SLCO4A1: variants seen among roughly 807,000 people sequenced by gnomAD.
SLCO4A1 encodes the protein solute carrier organic anion transporter family member 4A1.
In SLCO4A1, 51 loss-of-function variants were observed where a neutral mutation model predicts 64.6. The ratio of observed to expected loss-of-function variants is 0.79; its 90% CI spans 0.63 to 1.00. SLCO4A1 has a LOEUF of 1.00. Among genes scored for constraint, SLCO4A1 ranks in the 50% least tolerant of loss-of-function variants. The pLI, the probability that SLCO4A1 is intolerant of heterozygous loss-of-function variation, is 0.00. For missense variants in SLCO4A1, 919 were observed against 980.5 expected (o/e 0.94, Z 0.84); for synonymous variants, 471 against 444.9 (o/e 1.06, Z -0.74).
In SLCO4A1 at chr20:62,666,497, G is replaced by A; in HGVS notation, c.1394G>A (p.Ser465Asn). Residue 465 changes from serine to asparagine, a missense_variant, in exon 7 of 12, where the codon AGC becomes AAC. Physicochemically the swap from Ser to Asn is conservative, Grantham distance 46. Coordinates refer to ENST00000217159, the MANE Select transcript of SLCO4A1 (RefSeq NM_016354.4). ...IKFCLFCTVV[S>N]LLGILVFSLH... ...TTCTGCCTGTTCTGCACCGTTGTCA[G>A]CCTGCTGGGCATCCTCGTCTTCTCA... 6.2e-7 allele frequency: 1 copy of A among 1,613,564 alleles called. No homozygotes were observed. The highest frequency in any genetic ancestry group is 8.5e-7 in the Non-Finnish European group (1 of 1,180,002).
At chr20:62,676,651 T>A (rs1478361534), downstream of SLCO4A1, among the ~76,000 whole-genome samples, 1 of 152,152 alleles carries the variant, frequency 6.6e-6, no homozygotes, top group Non-Finnish European at 1.5e-5. Context: ...CGACACGTCG[T>A]GGAGAACTTG....
chr20:62,690,227 T>C (rs556459172), downstream of SLCO4A1, among the ~76,000 whole-genome samples: 110 of 152,284 alleles, frequency 7.2e-4, no homozygotes, highest in African/African-American at 2.6e-3. Flanking sequence ...CAGTCTCCCC[T>C]CTGTCTCAGG....
intron 2 of SLCO4A1, among the ~76,000 whole-genome samples, chr20:62,680,447 G>A (rs1987774327): frequency 6.6e-6 from 1 of 152,200 alleles, no homozygotes; most frequent in African/African-American, 2.4e-5. Context: ...CTCGCCTTAG[G>A]AGAAAACAGT....
intron 2 of SLCO4A1, among the ~76,000 whole-genome samples, chr20:62,678,053 A>G (rs1423266840): frequency 6.6e-6 from 1 of 152,184 alleles, no homozygotes; most frequent in Non-Finnish European, 1.5e-5. Context: ...AAAGTGAGGC[A>G]AAGGTTGATG....
At chr20:62,668,793 C>T (rs747435041) in intron 10 of SLCO4A1, 137 bp from the exon 11 acceptor site, 5 of 925,286 alleles carry the variant, frequency 5.4e-6, no homozygotes, top group Non-Finnish European at 8.0e-6. Flanking sequence ...CGTTTAAGCC[C>T]TCTTTGCACC....
chr20:62,681,936 T>G (rs560344956), intron 2 of SLCO4A1, among the ~76,000 whole-genome samples: 273 of 152,334 alleles, frequency 1.8e-3, no homozygotes, highest in African/African-American at 6.1e-3. Context: ...GAACTAATTT[T>G]ATGGAAAAGG....
intron 1 of SLCO4A1, among the ~76,000 whole-genome samples, chr20:62,653,573 G>A (rs1392125337): frequency 6.6e-6 from 1 of 152,180 alleles, no homozygotes; most frequent in African/African-American, 2.4e-5. Context: ...GCCCCATGGC[G>A]GATCACCGGC....
intron 6 of SLCO4A1, chr20:62,666,125 C>CGCCCCCCTTCCCCTTCCCCTTCCCG (rs1986261749): frequency 8.1e-6 from 1 of 123,044 alleles, no homozygotes; most frequent in African/African-American, 3.1e-5. Flanking sequence ...CCCGCTCCCC[C>CGCCCCCCTTCCCCTTCCCCTTCCCG]TTCCCCTTCC....
chr20:62,687,183 C>T (rs560539792), downstream of SLCO4A1, among the ~76,000 whole-genome samples: 2 of 149,990 alleles, frequency 1.3e-5, no homozygotes, highest in East Asian at 1.9e-4. Context: ...CGCCCCCAAA[C>T]AGGAGCGATG....
chr20:62,660,668 T>C, intron 4 of SLCO4A1, 135 bp downstream of exon 4: 5 of 1,136,808 alleles, frequency 4.4e-6, no homozygotes, highest in Non-Finnish European at 6.4e-6. Context: ...ATTCTCAGTG[T>C]TCTTCCCATC....
At chr20:62,687,756 G>T (rs1988113459), downstream of SLCO4A1, among the ~76,000 whole-genome samples, 1 of 152,198 alleles carries the variant, frequency 6.6e-6, no homozygotes, top group African/African-American at 2.4e-5. Context: ...CTGTACCTCT[G>T]CTGGGGCCGC....
downstream of SLCO4A1, among the ~76,000 whole-genome samples, chr20:62,675,592 C>T (rs1601689789): frequency 2.6e-5 from 4 of 152,336 alleles, no homozygotes; most frequent in Admixed American, 2.6e-4. Context: ...CTGGTCCCGG[C>T]CCCAGCCCCC....
intron 2 of SLCO4A1, among the ~76,000 whole-genome samples, chr20:62,679,834 G>C (rs1987748539): frequency 6.6e-6 from 1 of 152,236 alleles, no homozygotes; most frequent in Admixed American, 6.5e-5. Flanking sequence ...GGGAGTCAAG[G>C]ATGTGGCTCA....
chr20:62,669,241 G>A (rs954607017), intron 11 of SLCO4A1, among the ~76,000 whole-genome samples, 163 bp downstream of exon 11: 26 of 152,226 alleles, frequency 1.7e-4, no homozygotes, highest in Non-Finnish European at 3.7e-4. Context: ...TGAGTTGGTT[G>A]TGGGGAGAGG....
downstream of SLCO4A1, among the ~76,000 whole-genome samples, chr20:62,688,068 C>G (rs369822751): frequency 7.9e-5 from 12 of 152,172 alleles, no homozygotes; most frequent in East Asian, 9.7e-4. Flanking sequence ...TTTCCAGGTC[C>G]CAGCACCACC....
intron 1 of SLCO4A1, among the ~76,000 whole-genome samples, chr20:62,656,046 C>A (rs1983653139): frequency 6.6e-6 from 1 of 152,242 alleles, no homozygotes; most frequent in African/African-American, 2.4e-5. Flanking sequence ...TAGGCCTTGC[C>A]CCCGTCACAG....
rs1191167305 is a variant in SLCO4A1, at chr20:62,668,003, G to T, written c.1639-9G>T. 6.2e-7 allele frequency: 1 copy of T among 1,614,060 alleles called. No homozygotes were observed. Among genetic ancestry groups the T allele is most frequent in the Admixed American group, 1.7e-5 (1 of 60,032 alleles). ...CCCTTGTAATCGGAGCTATTGTTGGGCTTCCCAGGTGTACCGAGACTGTAG... is the reference window on the plus strand; with the variant it reads ...CCCTTGTAATCGGAGCTATTGTTGGTCTTCCCAGGTGTACCGAGACTGTAG... On this transcript the variant is annotated splice_polypyrimidine_tract_variant and intron_variant, in intron 8 of 11. Coordinates refer to ENST00000217159, the MANE Select transcript of SLCO4A1 (RefSeq NM_016354.4).
rs1225256835 is a variant in SLCO4A1, at chr20:62,644,457, G to A, written c.-97+1904G>A. ...CCATGGTGGAGAGCTGGCTGGGCACGTGGCAGGCAGGGCAGGCTGGGCCAG... is the reference window on the plus strand; with the variant it reads ...CCATGGTGGAGAGCTGGCTGGGCACATGGCAGGCAGGGCAGGCTGGGCCAG... On this transcript the variant is annotated intron_variant, in intron 1 of 11. Coordinates refer to ENST00000217159, the MANE Select transcript of SLCO4A1 (RefSeq NM_016354.4). The surrounding 1 kb of genome is among the most constrained non-coding windows in gnomAD (Gnocchi z 5.4). Among the ~76,000 whole-genome samples the A allele has an allele frequency of 2.0e-5, 3 of 152,228 alleles. No individual in the cohort carries two copies. Among genetic ancestry groups the A allele is most frequent in the African/African-American group, 4.8e-5 (2 of 41,458 alleles).
intron 2 of SLCO4A1, among the ~76,000 whole-genome samples, chr20:62,678,790 C>T (rs1263543550): frequency 1.3e-5 from 2 of 152,172 alleles, no homozygotes; most frequent in Non-Finnish European, 1.5e-5. Flanking sequence ...CCACGCTGAG[C>T]AAAAGAACCA....
Sources: allele counts gnomAD v4.1 joint callset (sites outside exome capture counted in the v4.1 genomes callset), GRCh38; gene constraint gnomAD v4.1.1; non-coding constraint Gnocchi (gnomAD v3.1); transcripts MANE v1.5; gene names NCBI Gene and HGNC (gene_info 2026-07-23, HGNC 2026-07-21).